Variants in CNTNAP5 observed in about 807,000 individuals in gnomAD.
CNTNAP5 encodes contactin associated protein family member 5.
Under a neutral mutation model 150.2 loss-of-function variants are expected in CNTNAP5, and 72 were observed. That is an observed-to-expected ratio of 0.48 (90% CI 0.40 to 0.58). CNTNAP5 has a LOEUF of 0.58. CNTNAP5 is among the 20% of genes least tolerant of loss of function. The pLI is 0.00. For synonymous variants in CNTNAP5, 672 were observed against 619.8 expected, an observed-to-expected ratio of 1.08 and a Z score of -1.25; for missense variants, 1,636 against 1,626.2, an observed-to-expected ratio of 1.01 and a Z score of -0.10.
chr2:124,521,776 A>G (rs911596002), intron 8 of CNTNAP5, among the ~76,000 whole-genome samples: 2 of 152,178 alleles, frequency 1.3e-5, no homozygotes, highest in Admixed American at 1.3e-4. Context: ...TATGCAAGTG[A>G]AAGTTTTTAA....
intron 19 of CNTNAP5, among the ~76,000 whole-genome samples, chr2:124,824,278 C>A (rs1682548930): frequency 1.3e-5 from 2 of 152,048 alleles, no homozygotes; most frequent in South Asian, 4.2e-4. Flanking sequence ...GAGTCATCCT[C>A]CCTTTTTACC....
chr2:124,116,825 C>T (rs1269229019), intron 1 of CNTNAP5, among the ~76,000 whole-genome samples: 2 of 152,176 alleles, frequency 1.3e-5, no homozygotes, highest in African/African-American at 2.4e-5. Context: ...TTGGAGGCCA[C>T]CTTTCAGAGT....
intron 1 of CNTNAP5, among the ~76,000 whole-genome samples, chr2:124,170,109 G>C (rs909202891): frequency 3.9e-5 from 6 of 152,100 alleles, no homozygotes; most frequent in Non-Finnish European, 8.8e-5. Context: ...GAAAAGCAGG[G>C]TAATCATCTA....
At chr2:124,519,711 T>C (rs1694810203) in intron 8 of CNTNAP5, among the ~76,000 whole-genome samples, 1 of 152,244 alleles carries the variant, frequency 6.6e-6, no homozygotes, top group Non-Finnish European at 1.5e-5. Flanking sequence ...TGTGATATAT[T>C]ATTAGCTATT....
rs142487736 is a variant in CNTNAP5, at chr2:124,779,855, A to G, written c.2752+6838A>G. ...GGAGTCTATCCTGGTACACCCCCCT[A>G]TCTCTGTGAGCACACACAATACGCC... On this transcript the variant is annotated intron_variant, in intron 17 of 23. Transcript: ENST00000682447. Among the ~76,000 whole-genome samples the G allele has an allele frequency of 2.4e-3, 367 of 152,084 alleles. 4 individuals are homozygous for G. The highest frequency in any genetic ancestry group is 8.3e-3 in the African/African-American group (346 of 41,504).
At chr2:124,197,268 G>A (rs941600057) in intron 1 of CNTNAP5, among the ~76,000 whole-genome samples, 2 of 152,048 alleles carry the variant, frequency 1.3e-5, no homozygotes, top group African/African-American at 4.8e-5. Flanking sequence ...TGAATTTTGT[G>A]TTATTAATCC....
At chr2:124,065,763 T>A (rs1682136991) in intron 1 of CNTNAP5, among the ~76,000 whole-genome samples, 1 of 152,168 alleles carries the variant, frequency 6.6e-6, no homozygotes, top group Admixed American at 6.6e-5. Context: ...CCTCTCATGG[T>A]TGGTGTTCTC....
chr2:124,537,410 A>C (rs1156808022), intron 10 of CNTNAP5, among the ~76,000 whole-genome samples: 1 of 152,204 alleles, frequency 6.6e-6, no homozygotes, highest in South Asian at 2.1e-4. Context: ...ACGGGTTATC[A>C]TCCCTATCCT....
intron 3 of CNTNAP5, among the ~76,000 whole-genome samples, chr2:124,242,663 T>TA (rs1455258761): frequency 1.3e-5 from 2 of 152,148 alleles, no homozygotes; most frequent in African/African-American, 4.8e-5. Context: ...TCTTCATCTA[T>TA]AAAAATTAAT....
intron 3 of CNTNAP5, among the ~76,000 whole-genome samples, chr2:124,340,966 C>T (rs903052673): frequency 6.6e-6 from 1 of 151,120 alleles, no homozygotes; most frequent in African/African-American, 2.4e-5. Flanking sequence ...GTCCCACCTA[C>T]TCAGGAGGCT....
At chr2:124,869,519 A>T (rs530574640) in intron 20 of CNTNAP5, among the ~76,000 whole-genome samples, 156 bp from the exon 21 acceptor site, 1 of 152,286 alleles carries the variant, frequency 6.6e-6, no homozygotes, top group South Asian at 2.1e-4. Flanking sequence ...GTTGTGGGCA[A>T]ATTAGCGAGA....
chr2:124,043,977 C>G (rs928676636), intron 1 of CNTNAP5, among the ~76,000 whole-genome samples: 6 of 152,210 alleles, frequency 3.9e-5, no homozygotes, highest in Non-Finnish European at 8.8e-5. Context: ...TTCTTGTCCT[C>G]TCTTCTCTAG....
chr2:124,423,068 A>G (rs1256995451), intron 4 of CNTNAP5, among the ~76,000 whole-genome samples: 2 of 152,212 alleles, frequency 1.3e-5, no homozygotes, highest in African/African-American at 4.8e-5. Context: ...ATAATGTTAA[A>G]TATATGGGCT....
At chr2:124,218,723 C>G (rs1365648568) in intron 1 of CNTNAP5, among the ~76,000 whole-genome samples, 2 of 152,106 alleles carry the variant, frequency 1.3e-5, no homozygotes, top group African/African-American at 4.8e-5. Context: ...AAGCTTAGTT[C>G]TCCTGGAGGT....
intron 3 of CNTNAP5, among the ~76,000 whole-genome samples, chr2:124,297,526 G>T (rs1688464439): frequency 6.6e-6 from 1 of 152,052 alleles, no homozygotes; most frequent in African/African-American, 2.4e-5. Flanking sequence ...CAATCAAAAA[G>T]TTCCCACATT....
intron 1 of CNTNAP5, among the ~76,000 whole-genome samples, chr2:124,083,737 T>C (rs1265241664): frequency 6.6e-6 from 1 of 152,094 alleles, no homozygotes; most frequent in Admixed American, 6.5e-5. Flanking sequence ...TAGACTAATT[T>C]ATCCTTTTAT....
intron 14 of CNTNAP5, among the ~76,000 whole-genome samples, chr2:124,750,009 C>T (rs192197876): frequency 6.0e-4 from 91 of 152,282 alleles, no homozygotes; most frequent in African/African-American, 1.9e-3. Flanking sequence ...TCACTCTGAA[C>T]CCCTCATCTG....
intron 1 of CNTNAP5, among the ~76,000 whole-genome samples, chr2:124,148,009 T>A (rs1181460388): frequency 6.6e-6 from 1 of 152,186 alleles, no homozygotes; most frequent in Non-Finnish European, 1.5e-5. Context: ...AATGTTTGGT[T>A]GATGGCCACG....
At chr2:124,831,345 T>A (rs1323130612) in intron 19 of CNTNAP5, among the ~76,000 whole-genome samples, 1 of 151,864 alleles carries the variant, frequency 6.6e-6, no homozygotes, top group Non-Finnish European at 1.5e-5. Context: ...CTTACCTTCC[T>A]TACCAAGAAT....
Sources: allele counts gnomAD v4.1 joint callset (sites outside exome capture counted in the v4.1 genomes callset), GRCh38; gene constraint gnomAD v4.1.1; transcripts MANE v1.5; gene names NCBI Gene and HGNC (gene_info 2026-07-23, HGNC 2026-07-21).